The following NEO1 variants were observed in gnomAD, a reference collection of about 807,000 sequenced individuals.
NEO1 encodes neogenin 1, also known as neogenin.
In NEO1, 63 loss-of-function variants were observed where a neutral mutation model predicts 159.7. The ratio of observed to expected loss-of-function variants is 0.39; its 90% CI spans 0.32 to 0.49. The LOEUF is 0.49. Ranked by LOEUF, NEO1 falls within the 20% of genes least tolerant of loss-of-function variation. The pLI, the probability that NEO1 is intolerant of heterozygous loss-of-function variation, is 0.85. For missense variants in NEO1, 1,615 were observed against 1,831.0 expected, an observed-to-expected ratio of 0.88 and a Z score of 2.15; for synonymous variants, 633 against 662.0, an observed-to-expected ratio of 0.96 and a Z score of 0.67.
At chr15:73,174,926 A>G (rs1365583583) in intron 5 of NEO1, among the ~76,000 whole-genome samples, 1 of 152,134 alleles carries the variant, frequency 6.6e-6, no homozygotes, top group Non-Finnish European at 1.5e-5. Context: ...ATCACTGTGA[A>G]TGTATGTTGT....
intron 2 of NEO1, among the ~76,000 whole-genome samples, chr15:73,122,063 G>GTATATA (rs200219694): frequency 0.015 from 1,897 of 126,006 alleles, 18 homozygotes; most frequent in Non-Finnish European, 0.022. Flanking sequence ...GTGTGTGTGT[G>GTATATA]TATATATATA....
rs114505000 is a variant in NEO1 at position 73,171,185 on chromosome 15, G to A, written c.1016-5218G>A. On this transcript the variant is annotated intron_variant, in intron 5 of 28. Coordinates refer to ENST00000261908, the MANE Select transcript of NEO1 (RefSeq NM_002499.4). Reference sequence around the variant, plus strand: ...TCAAACAAAAGATAAAGAGGAGTCTGTAGATGGAAAAAAAAACCTAAGAAA... The same window carrying A: ...TCAAACAAAAGATAAAGAGGAGTCTATAGATGGAAAAAAAAACCTAAGAAA... Among the ~76,000 whole-genome samples the A allele has an allele frequency of 9.7e-3, 1,483 of 152,116 alleles. 31 individuals are homozygous for A. Among genetic ancestry groups the A allele is most frequent in the African/African-American group, 0.034 (1,412 of 41,512 alleles).
At chr15:73,301,664 A>T in intron 28 of NEO1, 1 of 610,666 alleles carries the variant, frequency 1.6e-6, no homozygotes, top group Non-Finnish European at 2.7e-6. Flanking sequence ...TTTCTTTCCC[A>T]TATCCACTCT....
intron 21 of NEO1, 79 bp downstream of exon 21, chr15:73,274,803 T>C: frequency 1.4e-6 from 2 of 1,405,362 alleles, no homozygotes; most frequent in Non-Finnish European, 2.0e-6. Flanking sequence ...TTTCTTTTTT[T>C]TTTTTTTTTC....
rs8039039 is a variant in NEO1, at chr15:73,209,077, T to G, written c.1292-27270T>G. Among the ~76,000 whole-genome samples the G allele has an allele frequency of 8.6e-3, 1,303 of 152,348 alleles. 22 individuals are homozygous for G. Among genetic ancestry groups the G allele is most frequent in the African/African-American group, 0.03 (1,231 of 41,570 alleles). ...AATCATCACCAATGTGTAGTATTATTCCTCTGCTTTAGTTTTCTTTTATTC... is the reference window on the plus strand; with the variant it reads ...AATCATCACCAATGTGTAGTATTATGCCTCTGCTTTAGTTTTCTTTTATTC... On this transcript the variant is annotated intron_variant, in intron 7 of 28. Coordinates refer to ENST00000261908, the MANE Select transcript of NEO1 (RefSeq NM_002499.4).
chr15:73,189,179 G>T (rs1332184075), intron 7 of NEO1, among the ~76,000 whole-genome samples: 1 of 152,158 alleles, frequency 6.6e-6, no homozygotes, highest in Non-Finnish European at 1.5e-5. Context: ...TTGTGAAGTG[G>T]AATATTTGTC....
At chr15:73,266,258 T>C in intron 15 of NEO1, 58 bp from the exon 16 acceptor site, 1 of 1,391,882 alleles carries the variant, frequency 7.2e-7, no homozygotes, top group South Asian at 1.3e-5. Context: ...ACAGCCACCC[T>C]TGAATTTTTA....
chr15:73,153,692 T>C (rs2033559078), intron 5 of NEO1, among the ~76,000 whole-genome samples: 1 of 152,228 alleles, frequency 6.6e-6, no homozygotes, highest in African/African-American at 2.4e-5. Context: ...ATGCTTTATA[T>C]TATTGAGGGT....
At chr15:73,143,238 C>A in intron 5 of NEO1, 1 of 163,882 alleles carries the variant, frequency 6.1e-6, no homozygotes, top group East Asian at 1.5e-4. Flanking sequence ...CTTGCCATCC[C>A]AGTCTTAGAA....
chr15:73,270,389 T>G lies in NEO1; in HGVS notation c.2792T>G (p.Met931Arg), dbSNP rs1489636481. Reference sequence around the variant, plus strand: ...AATACACTCTATGAATTCTCTGTGATGGTGACCAAAGGTCGAAGATCAAGT... The same window carrying G: ...AATACACTCTATGAATTCTCTGTGAGGGTGACCAAAGGTCGAAGATCAAGT... ...KPNTLYEFSV[M>R]VTKGRRSSTW... Residue 931 changes from methionine (M) to arginine (R), a missense_variant, in exon 18 of 29, where the codon ATG (methionine) becomes AGG (arginine). Physicochemically the swap from Met to Arg is moderately conservative, Grantham distance 91. Around this residue, in one of 3 missense-constraint regions of NEO1, gnomAD observed 126 missense variants for 216.7 expected, o/e 0.58. Coordinates refer to ENST00000261908, the MANE Select transcript of NEO1 (RefSeq NM_002499.4). 6.2e-7 allele frequency: 1 copy of G among 1,614,206 alleles called. No homozygotes were observed. Among genetic ancestry groups the G allele is most frequent in the South Asian group, 1.1e-5 (1 of 91,084 alleles).
intron 1 of NEO1, among the ~76,000 whole-genome samples, chr15:73,084,540 A>G (rs1324337490): frequency 2.0e-5 from 3 of 152,070 alleles, no homozygotes; most frequent in African/African-American, 7.2e-5. Flanking sequence ...TCCTTTATCC[A>G]TTCATCTGTT....
chr15:73,236,995 G>C (rs2039214766), intron 8 of NEO1, among the ~76,000 whole-genome samples: 1 of 152,152 alleles, frequency 6.6e-6, no homozygotes, highest in Non-Finnish European at 1.5e-5. Context: ...TTGCTCATAG[G>C]GGAAGATCTA....
intron 1 of NEO1, among the ~76,000 whole-genome samples, chr15:73,090,658 C>T (rs2069636272): frequency 6.6e-6 from 1 of 152,016 alleles, no homozygotes; most frequent in Non-Finnish European, 1.5e-5. Context: ...ATACTCTGTC[C>T]TGTATAAATA....
intron 5 of NEO1, among the ~76,000 whole-genome samples, chr15:73,166,223 T>C (rs1054620281): frequency 9.2e-5 from 14 of 152,180 alleles, no homozygotes; most frequent in African/African-American, 3.1e-4. Flanking sequence ...GGTAAGGATA[T>C]GGAGAAATTG....
chr15:73,192,511 A>G (rs950557233), intron 7 of NEO1, among the ~76,000 whole-genome samples: 21 of 152,030 alleles, frequency 1.4e-4, no homozygotes, highest in African/African-American at 4.6e-4. Context: ...TCATCAAACA[A>G]TCCTATTTAT....
intron 1 of NEO1, among the ~76,000 whole-genome samples, chr15:73,065,219 A>G (rs1432709876): frequency 6.6e-6 from 1 of 151,458 alleles, no homozygotes; most frequent in African/African-American, 2.4e-5. Context: ...CATACTCACT[A>G]TTCATTTAGT....
At chr15:73,154,201 G>A (rs1434315026) in intron 5 of NEO1, among the ~76,000 whole-genome samples, 1 of 151,224 alleles carries the variant, frequency 6.6e-6, no homozygotes, top group Non-Finnish European at 1.5e-5. Flanking sequence ...TCCTAGTCTA[G>A]TATTCTTTAA....
rs1223826864 is a variant in NEO1 at position 73,152,555 on chromosome 15, T to C, written c.1015+16528T>C. On this transcript the variant is annotated intron_variant, in intron 5 of 28. Transcript: ENST00000261908. ...TAAACCAGCAAATGTTAAGAAAGTG[T>C]TTCTCTGAGTTCTGTGAGCCGCTCC... Among the ~76,000 whole-genome samples the C allele has an allele frequency of 3.3e-5, 5 of 152,262 alleles. No homozygotes were observed. The South Asian group carries it at 6.2e-4, about 19-fold the overall frequency.
At chr15:73,063,560 G>T (rs540015878) in intron 1 of NEO1, among the ~76,000 whole-genome samples, 1 of 152,230 alleles carries the variant, frequency 6.6e-6, no homozygotes, top group South Asian at 2.1e-4. Flanking sequence ...GGGATATTCA[G>T]CTAAGTTTCT....
Sources: gnomAD v4.1 joint callset for allele counts (sites outside exome capture counted in the v4.1 genomes callset) on GRCh38, gnomAD v4.1.1 for gene constraint, gnomAD v4.1.1 regional missense constraint, MANE v1.5 for transcripts, NCBI Gene and HGNC (gene_info 2026-07-23, HGNC 2026-07-21) for gene names.